ZFYVE9: variants seen among roughly 807,000 people sequenced by gnomAD.
ZFYVE9 encodes zinc finger FYVE-type containing 9.
A neutral mutation model predicts 126.7 loss-of-function variants in ZFYVE9; 43 were observed. The ratio of observed to expected loss-of-function variants is 0.34; its 90% CI spans 0.27 to 0.44. The LOEUF (loss-of-function observed/expected upper bound fraction) is 0.44. Among genes scored for constraint, ZFYVE9 ranks in the 20% least tolerant of loss-of-function variants. ZFYVE9 has a pLI of 1.00. For missense variants in ZFYVE9, 1,476 were observed against 1,697.0 expected, an observed-to-expected ratio of 0.87 and a Z score of 2.29; for synonymous variants, 521 against 597.4, an observed-to-expected ratio of 0.87 and a Z score of 1.87.
intron 2 of ZFYVE9, among the ~76,000 whole-genome samples, chr1:52,228,273 T>TCTCACTATGTTGTCCAGG (rs1553127011): frequency 6.6e-6 from 1 of 152,002 alleles, no homozygotes; most frequent in Non-Finnish European, 1.5e-5. Context: ...AGATACGGAG[T>TCTCACTATGTTGTCCAGG]CTCACTATGT....
At chr1:52,160,930 TC>T (rs1388061955) in intron 1 of ZFYVE9, among the ~76,000 whole-genome samples, 1 of 152,156 alleles carries the variant, frequency 6.6e-6, no homozygotes, top group African/African-American at 2.4e-5. Flanking sequence ...AACATGATAA[TC>T]CCCACTCTCC....
At chr1:52,320,889 A>T (rs1422960101) in intron 13 of ZFYVE9, among the ~76,000 whole-genome samples, 1 of 150,048 alleles carries the variant, frequency 6.7e-6, no homozygotes, top group Non-Finnish European at 1.5e-5. Flanking sequence ...AAAATACATC[A>T]TTTTTTTTTT....
At chr1:52,308,236 A>C (rs892957326) in intron 13 of ZFYVE9, among the ~76,000 whole-genome samples, 5 of 152,092 alleles carry the variant, frequency 3.3e-5, no homozygotes, top group African/African-American at 1.2e-4. Context: ...GCTAGAGTGC[A>C]GTGGCACAAT....
Position 52,171,701 on chromosome 1 carries a change from A to G in ZFYVE9, c.-143+29298A>G, listed in dbSNP as rs1169621065. On this transcript the variant is annotated intron_variant, in intron 1 of 18. Transcript: ENST00000287727. ...TTTAATGATCGCCATTCTAACTGGT[A>G]TGAGATGGTATCTCATTGTAGTTTT... Among the ~76,000 whole-genome samples the G allele has an allele frequency of 4.6e-5, 7 of 152,018 alleles. No individual in the cohort carries two copies. The East Asian group carries it at 5.8e-4, about 13-fold the overall frequency.
At chr1:52,222,433 G>T (rs1029848392) in intron 2 of ZFYVE9, among the ~76,000 whole-genome samples, 1 of 152,186 alleles carries the variant, frequency 6.6e-6, no homozygotes, top group African/African-American at 2.4e-5. Context: ...TGAACCATTG[G>T]TGGTTGTATG....
chr1:52,270,542 G>A (rs555292121), intron 7 of ZFYVE9, among the ~76,000 whole-genome samples: 1 of 152,276 alleles, frequency 6.6e-6, no homozygotes, highest in Non-Finnish European at 1.5e-5. Flanking sequence ...GGGATTACAG[G>A]CGTAAGCCAC....
intron 10 of ZFYVE9, among the ~76,000 whole-genome samples, chr1:52,282,270 A>T (rs1645812568): frequency 6.6e-6 from 1 of 152,254 alleles, no homozygotes; most frequent in Non-Finnish European, 1.5e-5. Flanking sequence ...TAAAAGTAAA[A>T]GCATAGAGGT....
At chr1:52,337,956 C>G (rs1264102329) in intron 16 of ZFYVE9, 22 bp downstream of exon 16, 1 of 1,608,342 alleles carries the variant, frequency 6.2e-7, no homozygotes, top group East Asian at 2.2e-5. Context: ...ACATGTCCCC[C>G]TTTGTGGCTT....
intron 4 of ZFYVE9, among the ~76,000 whole-genome samples, chr1:52,247,527 C>T (rs533962636): frequency 1.5e-4 from 23 of 151,952 alleles, no homozygotes; most frequent in African/African-American, 4.1e-4. Flanking sequence ...GACGGAGTCT[C>T]GCTTCGTTGC....
intron 4 of ZFYVE9, among the ~76,000 whole-genome samples, chr1:52,255,636 T>C (rs1443014864): frequency 6.6e-6 from 1 of 151,392 alleles, no homozygotes; most frequent in Non-Finnish European, 1.5e-5. Flanking sequence ...CTCATGCCTG[T>C]AATCCCAGCA....
At chr1:52,333,267 C>G (rs1389593991) in intron 14 of ZFYVE9, among the ~76,000 whole-genome samples, 1 of 149,882 alleles carries the variant, frequency 6.7e-6, no homozygotes, top group Non-Finnish European at 1.5e-5. Flanking sequence ...CACATGTACC[C>G]TAGAACTTAA....
At position 52,202,062 on chromosome 1, in the gene ZFYVE9, GC is replaced by G. The variant is rs569710286; in HGVS notation, c.-142-14306del. Among the ~76,000 whole-genome samples the G allele has an allele frequency of 1.1e-3, 161 of 152,284 alleles. 2 individuals are homozygous for G. The highest frequency in any genetic ancestry group is 3.6e-3 in the African/African-American group (151 of 41,552). ...GCCTCCCAAAGTGCTGGGATTACAG[GC>G]GTGAGCCACCGCACACAGCCCAAAG... On this transcript the variant is annotated intron_variant, in intron 1 of 18. Coordinates refer to ENST00000287727, the MANE Select transcript of ZFYVE9 (RefSeq NM_004799.4).
chr1:52,178,505 A>G (rs988013924), intron 1 of ZFYVE9, among the ~76,000 whole-genome samples: 1 of 151,168 alleles, frequency 6.6e-6, no homozygotes, highest in African/African-American at 2.4e-5. Context: ...TAATTTCTGT[A>G]TTTTTAGTAG....
intron 4 of ZFYVE9, among the ~76,000 whole-genome samples, chr1:52,251,194 C>T (rs567360882): frequency 6.6e-6 from 1 of 152,224 alleles, no homozygotes; most frequent in Admixed American, 6.5e-5. Context: ...TCTTCAGCCT[C>T]CTGAGTAGTT....
At chr1:52,225,895 CGAG>C (rs1024894977) in intron 2 of ZFYVE9, among the ~76,000 whole-genome samples, 5 of 151,984 alleles carry the variant, frequency 3.3e-5, no homozygotes, top group African/African-American at 1.2e-4. Flanking sequence ...CCGACACACA[CGAG>C]GAGTTTAGGA....
At chr1:52,320,478 A>G (rs537340210) in intron 13 of ZFYVE9, among the ~76,000 whole-genome samples, 12 of 152,360 alleles carry the variant, frequency 7.9e-5, no homozygotes, top group Non-Finnish European at 1.3e-4. Flanking sequence ...AGATGCTTAC[A>G]GATGCTCAAT....
chr1:52,286,439 A>C (rs150441388), intron 10 of ZFYVE9, among the ~76,000 whole-genome samples: 1 of 152,336 alleles, frequency 6.6e-6, no homozygotes, highest in Non-Finnish European at 1.5e-5. Context: ...TTTCACATAT[A>C]TATACACACA....
Position 52,238,493 on chromosome 1 carries a change from C to T in ZFYVE9, c.1076C>T (p.Ser359Leu). Reference sequence around the variant, plus strand: ...AGGAATAATGACTGTGAACGGTGTTCAGATTGCCTTGTGCCTAATGAAGTT... The same window carrying T: ...AGGAATAATGACTGTGAACGGTGTTTAGATTGCCTTGTGCCTAATGAAGTT... ...SGRNNDCERC[S>L]DCLVPNEVRA... The change falls in exon 4 of 19, where the codon TCA becomes TTA. Residue 359 changes from serine (S) to leucine (L), a missense_variant. Coordinates refer to ENST00000287727, the MANE Select transcript of ZFYVE9 (RefSeq NM_004799.4). 6.2e-7 allele frequency: 1 copy of T among 1,614,034 alleles called. No individual in the cohort carries two copies.
In ZFYVE9 at chr1:52,186,253, C is replaced by A. The variant is rs1044957904; in HGVS notation, c.-142-30116C>A. Among the ~76,000 whole-genome samples the A allele has an allele frequency of 8.7e-4, 126 of 144,150 alleles. 1 individual carries two copies. The highest frequency in any genetic ancestry group is 1.2e-3 in the Non-Finnish European group (75 of 65,148). The allele number at this position is 144,150 out of a possible 152,430, so 94.6% of individuals were successfully genotyped here. On this transcript the variant is annotated intron_variant, in intron 1 of 18. Coordinates refer to ENST00000287727, the MANE Select transcript of ZFYVE9 (RefSeq NM_004799.4). ...AGACTCTGTCTCAAAAAAAAAAAAA[C>A]AAAACAAAACCCAAAAAACAACAAC...
Sources: gnomAD v4.1 joint callset for allele counts (sites outside exome capture counted in the v4.1 genomes callset) on GRCh38, gnomAD v4.1.1 for gene constraint, MANE v1.5 for transcripts, NCBI Gene and HGNC (gene_info 2026-07-23, HGNC 2026-07-21) for gene names.